RUBCN: variants seen among roughly 807,000 people sequenced by gnomAD.
RUBCN encodes run domain Beclin-1-interacting and cysteine-rich domain-containing protein.
RUBCN carries 74 observed loss-of-function variants against 113.2 expected under a neutral mutation model. The ratio of observed to expected loss-of-function variants is 0.65; its 90% CI spans 0.54 to 0.79. RUBCN has a LOEUF of 0.79. RUBCN is among the 30% of genes least tolerant of loss of function. The probability of loss-of-function intolerance (pLI) is 0.00; values close to 1 mark genes in which losing one functional copy is unlikely to be tolerated. For synonymous variants in RUBCN, 480 were observed against 490.0 expected (o/e 0.98, Z 0.27); for missense variants, 1,109 against 1,251.7 (o/e 0.89, Z 1.72).
intron 1 of RUBCN, among the ~76,000 whole-genome samples, chr3:197,727,797 A>G (rs960873193): frequency 6.6e-6 from 1 of 152,272 alleles, no homozygotes; most frequent in African/African-American, 2.4e-5. Flanking sequence ...CATGAGACAT[A>G]TAAGAAAGAC....
Position 197,696,997 on chromosome 3 carries a change from T to C in RUBCN, c.1314A>G (p.Gln438=). 1 of 1,611,328 alleles carries C rather than the reference T, an allele frequency of 6.2e-7. No homozygotes were observed. The change falls in exon 8 of 20, where the codon CAA becomes CAG. Residue 438 remains glutamine (Q), a synonymous_variant. Coordinates refer to ENST00000296343, the MANE Select transcript of RUBCN (RefSeq NM_014687.4). The stretch of plus-strand genomic sequence containing the variant: ...AGCTGGGTGTGCTGACTTCACTGCT[T>C]TGACCAGAGTAGGGCAAAGGGCCTC... ...KLRGPLPYSG[Q]SSEVSTPSSL...
chr3:197,718,189 A>G lies in RUBCN; in HGVS notation c.66-59T>C, dbSNP rs1037248015. 29 of 1,599,946 alleles carry G rather than the reference A, an allele frequency of 1.8e-5. 1 individual carries two copies. In the African/African-American group the frequency reaches 2.3e-4, roughly 13 times the overall value. On this transcript the variant is annotated intron_variant, in intron 1 of 19. Transcript: ENST00000296343. ...ACCTTTGCTGTACTTGATCCTGATCATATCAAAGAAAGTCTAAGCCGAGGA... is the reference window on the plus strand; with the variant it reads ...ACCTTTGCTGTACTTGATCCTGATCGTATCAAAGAAAGTCTAAGCCGAGGA...
rs1728593728 is a variant in RUBCN, at chr3:197,743,102, T to G, written c.-116+6167A>C. 2.0e-5 allele frequency among the ~76,000 whole-genome samples: 3 copies of G among 152,246 alleles called. No individual in the cohort carries two copies. In the South Asian group the frequency reaches 6.2e-4, roughly 31 times the overall value. The stretch of plus-strand genomic sequence containing the variant: ...ACAGAACTGATGCTCAGGGACTTAG[T>G]GGCCAGTAGTGCTCCTTTAAACTTG... On this transcript the variant is annotated intron_variant, in intron 1 of 20. Transcript: ENST00000273582.
intron 1 of RUBCN, among the ~76,000 whole-genome samples, chr3:197,720,532 C>A (rs556924075): frequency 6.6e-6 from 1 of 152,008 alleles, no homozygotes; most frequent in Non-Finnish European, 1.5e-5. Context: ...CTCAGCCTCC[C>A]GTGTAGCTGG....
chr3:197,718,239 T>G, intron 1 of RUBCN, 109 bp from the exon 2 acceptor site: 1 of 1,158,216 alleles, frequency 8.6e-7, no homozygotes, highest in Non-Finnish European at 1.3e-6. Context: ...ATCCTAACAT[T>G]CTCTCCCCTC....
chr3:197,725,848 G>T (rs1726684837), intron 1 of RUBCN, among the ~76,000 whole-genome samples: 1 of 152,092 alleles, frequency 6.6e-6, no homozygotes, highest in South Asian at 2.1e-4. Flanking sequence ...TAGCATGGAG[G>T]TGAAAAATTC....
intron 1 of RUBCN, among the ~76,000 whole-genome samples, chr3:197,748,705 C>T (rs758658156): frequency 1.3e-5 from 2 of 152,126 alleles, no homozygotes; most frequent in Non-Finnish European, 2.9e-5. Flanking sequence ...GCAAGCTTTG[C>T]TTTAAATTCA....
At chr3:197,717,284 A>G (rs1190730741) in intron 2 of RUBCN, among the ~76,000 whole-genome samples, 1 of 151,948 alleles carries the variant, frequency 6.6e-6, no homozygotes, top group Admixed American at 6.6e-5. Flanking sequence ...TCTACTAAAA[A>G]ATAGAAAAAA....
At position 197,674,485 on chromosome 3, in the gene RUBCN, A is replaced by G. The variant is rs148293485; in HGVS notation, c.*533T>C. On this transcript the variant is annotated 3_prime_UTR_variant, in exon 20 of 20. Coordinates refer to ENST00000296343, the MANE Select transcript of RUBCN (RefSeq NM_014687.4). ...GCCCCCAAAATACCCAAATAAGTGG[A>G]CGAAATGCCCATGACGTAGTCCTAT... 56 of 473,908 alleles carry G rather than the reference A, an allele frequency of 1.2e-4. 1 individual carries two copies. The highest frequency in any genetic ancestry group is 2.9e-4 in the African/African-American group (14 of 48,600). 29.4% of individuals were successfully genotyped at this position (473,908 alleles called of 1,614,324 possible).
In RUBCN at chr3:197,703,632, G is replaced by C; in HGVS notation, c.486C>G (p.Asp162Glu). The C allele has an allele frequency of 1.2e-6, 2 of 1,613,568 alleles. No homozygotes were observed. The highest frequency in any genetic ancestry group is 2.2e-5 in the South Asian group (2 of 91,050). The change falls in exon 5 of 20, where the codon GAC (aspartate) becomes GAG (glutamate). Residue 162 changes from aspartate to glutamate, a missense_variant. Asp to Glu is a conservative substitution (Grantham distance 45). Coordinates refer to ENST00000296343, the MANE Select transcript of RUBCN (RefSeq NM_014687.4). ...FYTDAAFLLS[D>E]AHVTAMLQCL... ...ACTGCAGCATGGCCGTGACATGAGC[G>C]TCACTTAGCAGGAAGGCAGCATCTG...
At chr3:197,692,106 T>TC (rs1375341580) in intron 11 of RUBCN, among the ~76,000 whole-genome samples, 3 of 151,818 alleles carry the variant, frequency 2.0e-5, no homozygotes, top group African/African-American at 7.3e-5. Context: ...GAGCTTTTAC[T>TC]CCCCCATCGC....
chr3:197,699,912 T>C (rs1034833107), intron 7 of RUBCN, among the ~76,000 whole-genome samples: 10 of 152,150 alleles, frequency 6.6e-5, no homozygotes, highest in Non-Finnish European at 1.5e-4. Context: ...CTTCCTCTTA[T>C]GGAGATCCTA....
At chr3:197,737,683 C>T (rs188263390), upstream of RUBCN, among the ~76,000 whole-genome samples, 3 of 152,106 alleles carry the variant, frequency 2.0e-5, no homozygotes, top group Admixed American at 6.6e-5. Flanking sequence ...ATATGCAAAT[C>T]AAGAAGTGAT....
chr3:197,733,032 G>A (rs796394521), intron 1 of RUBCN, among the ~76,000 whole-genome samples: 8 of 152,328 alleles, frequency 5.3e-5, no homozygotes, highest in African/African-American at 1.9e-4. Context: ...TACTCAGGCA[G>A]GTTACGTAAA....
intron 6 of RUBCN, 96 bp from the exon 7 acceptor site, chr3:197,701,242 T>C: frequency 8.9e-7 from 1 of 1,126,776 alleles, no homozygotes; most frequent in Admixed American, 2.7e-5. Context: ...CGATGTCACC[T>C]CAGAAACGGC....
rs960940344 is a variant in RUBCN at position 197,677,414 on chromosome 3, C to T, written c.2492+66G>A. ...CCTTCGTTACATAACAAGAGCCAAG[C>T]GCGGGGATGTGTCCCTTTCGGAGAC... On this transcript the variant is annotated intron_variant, in intron 17 of 19. Transcript: ENST00000296343. 5.3e-5 allele frequency: 71 copies of T among 1,346,372 alleles called. No homozygotes were observed. The South Asian group carries it at 5.5e-4, about 10-fold the overall frequency. The allele number at this position is 1,346,372 out of a possible 1,614,324, so 83.4% of individuals were successfully genotyped here.
chr3:197,723,423 T>A (rs1560463027), intron 1 of RUBCN, among the ~76,000 whole-genome samples: 2 of 152,146 alleles, frequency 1.3e-5, no homozygotes, highest in Non-Finnish European at 2.9e-5. Context: ...TGACCTCAAG[T>A]GACCTGCCCA....
intron 1 of RUBCN, among the ~76,000 whole-genome samples, chr3:197,724,511 T>G (rs1039971299): frequency 6.6e-6 from 1 of 152,132 alleles, no homozygotes; most frequent in East Asian, 1.9e-4. Flanking sequence ...CTCTTTTTAG[T>G]GGTAAAGGAA....
chr3:197,732,297 TTAGCAGTTTACCAGTC>T, intron 1 of RUBCN, among the ~76,000 whole-genome samples: 1 of 152,298 alleles, frequency 6.6e-6, no homozygotes, highest in South Asian at 2.1e-4. Flanking sequence ...GACCATTCCT[TTAGCAGTTTACCAGTC>T]TAGTAGTTTG....
Sources: allele counts gnomAD v4.1 joint callset (sites outside exome capture counted in the v4.1 genomes callset), GRCh38; gene constraint gnomAD v4.1.1; transcripts MANE v1.5; gene names NCBI Gene and HGNC (gene_info 2026-07-23, HGNC 2026-07-21).